APAF1: variants seen among roughly 807,000 people sequenced by gnomAD.
APAF1 encodes apoptotic peptidase activating factor 1, also known as apoptotic protease-activating factor 1.
A neutral mutation model predicts 152.4 loss-of-function variants in APAF1; 91 were observed. The observed-to-expected ratio is 0.60, with a 90% confidence interval of 0.50 to 0.71. The LOEUF (loss-of-function observed/expected upper bound fraction) is 0.71, where lower values mean the gene tolerates loss of function less well. Ranked by LOEUF, APAF1 falls within the 30% of genes least tolerant of loss-of-function variation. The pLI is 0.00. For missense variants in APAF1, 1,283 were observed against 1,472.0 expected (o/e 0.87, Z 2.10); for synonymous variants, 484 against 494.1 (o/e 0.98, Z 0.27).
chr12:98,670,303 A>G (rs1478016429), intron 10 of APAF1, among the ~76,000 whole-genome samples: 2 of 151,836 alleles, frequency 1.3e-5, no homozygotes, highest in Non-Finnish European at 2.9e-5. Context: ...AAAAATGGTA[A>G]ATTTTTCTTG....
rs556434136 is a variant in APAF1 at position 98,663,576 on chromosome 12, A to T, written c.955+770A>T. On this transcript the variant is annotated intron_variant, in intron 7 of 26. Transcript: ENST00000551964. ...TTCTTTTGACATATAGAAGCTTAAA[A>T]TTTTAAACAGTCAAATCTATCAACT... 3.1e-4 allele frequency among the ~76,000 whole-genome samples: 47 copies of T among 152,226 alleles called. 1 individual carries two copies. Among genetic ancestry groups the T allele is most frequent in the Non-Finnish European group, 5.4e-4 (37 of 67,998 alleles).
chr12:98,680,203 T>G, intron 13 of APAF1, 74 bp from the exon 14 acceptor site: 1 of 1,464,004 alleles, frequency 6.8e-7, no homozygotes. Flanking sequence ...TAAACTCACT[T>G]AAAGATTTTT....
chr12:98,708,815 G>C, intron 20 of APAF1, 111 bp downstream of exon 20: 2 of 1,021,484 alleles, frequency 2.0e-6, no homozygotes, highest in South Asian at 2.9e-5. Flanking sequence ...TATCTAACAG[G>C]TGTCCAGCAG....
At chr12:98,675,582 C>T (rs952914429) in intron 12 of APAF1, among the ~76,000 whole-genome samples, 14 of 152,080 alleles carry the variant, frequency 9.2e-5, no homozygotes, top group African/African-American at 2.4e-4. Context: ...TTCCTAAACA[C>T]GATGGTATTA....
At chr12:98,723,432 A>C in intron 23 of APAF1, 120 bp downstream of exon 23, 1 of 1,196,532 alleles carries the variant, frequency 8.4e-7, no homozygotes, top group South Asian at 1.3e-5. Context: ...AATTTTTCTC[A>C]TGCTTGTTTT....
Position 98,699,391 on chromosome 12 carries a change from A to G in APAF1, c.2305-17A>G. The G allele has an allele frequency of 6.2e-7, 1 of 1,611,842 alleles. No homozygotes were observed. The highest frequency in any genetic ancestry group is 8.5e-7 in the Non-Finnish European group (1 of 1,178,902). ...GAGTAAAACAAACTTTTTCTTTTTTATTACTTTAATTCAAAGCTTTGGGAT... is the reference window on the plus strand; with the variant it reads ...GAGTAAAACAAACTTTTTCTTTTTTGTTACTTTAATTCAAAGCTTTGGGAT... On this transcript the variant is annotated splice_polypyrimidine_tract_variant and intron_variant, in intron 16 of 26. Transcript: ENST00000551964.
At chr12:98,668,439 C>T (rs1294953688) in intron 10 of APAF1, among the ~76,000 whole-genome samples, 1 of 152,068 alleles carries the variant, frequency 6.6e-6, no homozygotes, top group African/African-American at 2.4e-5. Flanking sequence ...TATTGCTCTT[C>T]ATTAAGAGGA....
rs776002033 is a variant in APAF1, at chr12:98,648,896, G to A, written c.328+81G>A. On this transcript the variant is annotated intron_variant, in intron 3 of 26. Coordinates refer to ENST00000551964, the MANE Select transcript of APAF1 (RefSeq NM_181861.2). ...CTTATTGTAGATGTAATCTTTTGAA[G>A]AGAGTGTGACCAGTTCACTGAAAAC... 2.3e-6 allele frequency: 3 copies of A among 1,315,754 alleles called. No individual in the cohort carries two copies. In the African/African-American group the frequency reaches 4.3e-5, roughly 19 times the overall value. 81.5% of individuals were successfully genotyped at this position (1,315,754 alleles called of 1,614,324 possible).
intron 15 of APAF1, 108 bp downstream of exon 15, chr12:98,683,382 T>C (rs1016699781): frequency 9.0e-7 from 1 of 1,108,778 alleles, no homozygotes; most frequent in African/African-American, 1.5e-5. Context: ...GTCACAATGA[T>C]AGAAACTACA....
rs1261022174 is a variant in APAF1, at chr12:98,665,783, C to G, written c.1186C>G (p.Pro396Ala). Residue 396 changes from proline (P) to alanine (A), a missense_variant, in exon 8 of 27, where the codon CCT (proline) becomes GCT (alanine). Pro to Ala is a conservative substitution (Grantham distance 27). Coordinates refer to ENST00000551964, the MANE Select transcript of APAF1 (RefSeq NM_181861.2). ...CATCCTTCAGAAGGACGTTAAGGTG[C>G]CTACAAAGGTAATGGGATCAATGAT... Reference protein sequence around the residue: ...LSILQKDVKVPTKVLCILWDM... With the variant: ...LSILQKDVKVATKVLCILWDM... 2 of 1,607,338 alleles carry G rather than the reference C, an allele frequency of 1.2e-6. No individual in the cohort carries two copies. The highest frequency in any genetic ancestry group is 1.3e-5 in the African/African-American group (1 of 74,760).
At position 98,731,214 on chromosome 12, in the gene APAF1, T is replaced by G. The variant is rs1274246124; in HGVS notation, c.3601-1206T>G. ...TAATACCTAACTCATTTCACAGATT[T>G]CCCATATACCCCTTTCCCCCACAAA... On this transcript the variant is annotated intron_variant, in intron 26 of 26. Coordinates refer to ENST00000551964, the MANE Select transcript of APAF1 (RefSeq NM_181861.2). Among the ~76,000 whole-genome samples, 5 of 152,220 alleles carry G rather than the reference T, an allele frequency of 3.3e-5. No individual in the cohort carries two copies. The East Asian group carries it at 9.6e-4, about 29-fold the overall frequency.
chr12:98,718,131 CAG>C (rs1351909773), intron 22 of APAF1, among the ~76,000 whole-genome samples: 2 of 152,180 alleles, frequency 1.3e-5, no homozygotes, highest in African/African-American at 4.8e-5. Flanking sequence ...CCCTTAAATT[CAG>C]AGATTCTTCT....
intron 15 of APAF1, among the ~76,000 whole-genome samples, chr12:98,685,038 A>G (rs889823108): frequency 6.6e-6 from 1 of 152,236 alleles, no homozygotes; most frequent in Non-Finnish European, 1.5e-5. Flanking sequence ...GAGTTTATCT[A>G]GGACTGGGAT....
intron 10 of APAF1, among the ~76,000 whole-genome samples, chr12:98,669,955 A>C (rs1226412958): frequency 7.3e-6 from 1 of 137,130 alleles, no homozygotes; most frequent in Non-Finnish European, 1.5e-5. Context: ...CTTTGACAGG[A>C]TCTCACCAGG....
intron 18 of APAF1, among the ~76,000 whole-genome samples, chr12:98,704,940 C>T (rs775176080): frequency 2.6e-5 from 4 of 151,962 alleles, no homozygotes; most frequent in Non-Finnish European, 5.9e-5. Context: ...CCAGCATGCC[C>T]GGCTAATTTT....
intron 17 of APAF1, among the ~76,000 whole-genome samples, chr12:98,702,441 A>G (rs1022072542): frequency 6.6e-6 from 1 of 152,174 alleles, no homozygotes; most frequent in Non-Finnish European, 1.5e-5. Context: ...TTAAATCAGT[A>G]TATTGTATCA....
At position 98,712,488 on chromosome 12, in the gene APAF1, T is replaced by C. The variant is rs2097729078; in HGVS notation, c.2958+53T>C. ...TCTGTACAGAATTAAATAAAACTAA[T>C]TATATGTCTGGCATTGTGCACTTCT... On this transcript the variant is annotated intron_variant, in intron 21 of 26. Transcript: ENST00000551964. 3.9e-6 allele frequency: 4 copies of C among 1,022,528 alleles called. No homozygotes were observed. In the East Asian group the frequency reaches 9.5e-5, roughly 24 times the overall value. 63.3% of individuals were successfully genotyped at this position (1,022,528 alleles called of 1,614,324 possible).
chr12:98,663,176 T>C (rs1047637611), intron 7 of APAF1, among the ~76,000 whole-genome samples: 1 of 152,144 alleles, frequency 6.6e-6, no homozygotes, highest in African/African-American at 2.4e-5. Context: ...GGTGTCTTAA[T>C]TTGCATTTTT....
chr12:98,657,035 T>G (rs1769511624), intron 4 of APAF1, among the ~76,000 whole-genome samples: 1 of 152,198 alleles, frequency 6.6e-6, no homozygotes, highest in Non-Finnish European at 1.5e-5. Context: ...CCTTAACCTC[T>G]TACCTCCTTA....
Sources: gnomAD v4.1 joint callset for allele counts (sites outside exome capture counted in the v4.1 genomes callset) on GRCh38, gnomAD v4.1.1 for gene constraint, MANE v1.5 for transcripts, NCBI Gene and HGNC (gene_info 2026-07-23, HGNC 2026-07-21) for gene names.